OXCT1: variants seen among roughly 807,000 people sequenced by gnomAD.
OXCT1 encodes the protein succinyl-CoA:3-ketoacid coenzyme A transferase 1, mitochondrial.
A neutral mutation model predicts 69.6 loss-of-function variants in OXCT1; 27 were observed. The ratio of observed to expected loss-of-function variants is 0.39; its 90% CI spans 0.29 to 0.54. The LOEUF (loss-of-function observed/expected upper bound fraction) is 0.54. Ranked by LOEUF, OXCT1 falls within the 20% of genes least tolerant of loss-of-function variation. OXCT1 has a pLI of 0.72. For missense variants in OXCT1, 437 were observed against 650.2 expected (o/e 0.67, Z 3.57); for synonymous variants, 202 against 217.8 (o/e 0.93, Z 0.64).
chr5:41,847,222 T>C (rs1248731687), intron 5 of OXCT1, among the ~76,000 whole-genome samples: 1 of 151,862 alleles, frequency 6.6e-6, no homozygotes, highest in Non-Finnish European at 1.5e-5. Context: ...CTCCCAAGAC[T>C]AAACCAGGAA....
chr5:41,813,777 A>C (rs1398640624), intron 7 of OXCT1, among the ~76,000 whole-genome samples: 1 of 148,346 alleles, frequency 6.7e-6, no homozygotes, highest in Admixed American at 6.6e-5. Flanking sequence ...CAAACCAATT[A>C]CCTTTATGCC....
In OXCT1 at chr5:41,861,303, T is replaced by C. The variant is rs1415782496; in HGVS notation, c.278+11A>G. On this transcript the variant is annotated intron_variant, in intron 3 of 16. Transcript: ENST00000196371. Reference sequence around the variant, plus strand: ...TCTCTCCAGCCAATTGTTTTTAAAATGCACACTTACCCTGCATTGTTGCTG... The same window carrying C: ...TCTCTCCAGCCAATTGTTTTTAAAACGCACACTTACCCTGCATTGTTGCTG... 3 of 1,539,844 alleles carry C rather than the reference T, an allele frequency of 1.9e-6. No individual in the cohort carries two copies. Among genetic ancestry groups the C allele is most frequent in the African/African-American group, 1.4e-5 (1 of 73,626 alleles).
chr5:41,805,538 T>C lies in OXCT1; in HGVS notation c.955+29A>G, dbSNP rs147701541. 3.9e-5 allele frequency: 57 copies of C among 1,471,006 alleles called. 1 individual carries two copies. The East Asian group carries it at 1.3e-3, about 33-fold the overall frequency. The allele number at this position is 1,471,006 out of a possible 1,614,324, so 91.1% of individuals were successfully genotyped here. A position where few individuals can be genotyped will look rare whatever the true frequency, so the allele number is the denominator to read the frequency against. On this transcript the variant is annotated intron_variant, in intron 9 of 16. Coordinates refer to ENST00000196371, the MANE Select transcript of OXCT1 (RefSeq NM_000436.4). ...TATGGGAAAAGCAAAGGCTATGTCTTTGCCCGGGCTCAGAAGGATAAAGGA... is the reference window on the plus strand; with the variant it reads ...TATGGGAAAAGCAAAGGCTATGTCTCTGCCCGGGCTCAGAAGGATAAAGGA...
intron 13 of OXCT1, among the ~76,000 whole-genome samples, chr5:41,786,428 T>G (rs566901345): frequency 1.5e-4 from 23 of 151,696 alleles, no homozygotes; most frequent in Admixed American, 1.3e-3. Flanking sequence ...AGGAGGGGAG[T>G]AGAGAAAAAG....
Position 41,842,711 on chromosome 5 carries a change from G to C in OXCT1, c.635C>G (p.Ala212Gly). The C allele has an allele frequency of 3.1e-6, 5 of 1,613,756 alleles. No homozygotes were observed. The highest frequency in any genetic ancestry group is 4.2e-6 in the Non-Finnish European group (5 of 1,179,700). ...AITGDFALVK[A>G]WKADRAGNVI... ...GTTTCCTGCTCGGTCCGCCTTCCAG[G>C]CTTTCACCAAAGCAAAATCCCCTGT... Residue 212 changes from alanine to glycine, a missense_variant, in exon 6 of 17, where the codon GCC becomes GGC. By Grantham distance (60) the Ala-to-Gly change is moderately conservative. Around this residue, in one of 4 missense-constraint regions of OXCT1, gnomAD observed 252 missense variants for 397.4 expected, o/e 0.63. Coordinates refer to ENST00000196371, the MANE Select transcript of OXCT1 (RefSeq NM_000436.4).
At chr5:41,753,743 T>C (rs1743927400) in intron 14 of OXCT1, among the ~76,000 whole-genome samples, 1 of 152,096 alleles carries the variant, frequency 6.6e-6, no homozygotes, top group Admixed American at 6.6e-5. Flanking sequence ...TTTCTTCATA[T>C]GTACAGCCAT....
chr5:41,733,278 C>G (rs564025076), intron 16 of OXCT1, among the ~76,000 whole-genome samples: 10 of 127,992 alleles, frequency 7.8e-5, no homozygotes, highest in Non-Finnish European at 1.4e-4. Context: ...CGGAGTTTTG[C>G]TCTTGTTGCC....
chr5:41,792,422 T>C (rs1044590446), intron 13 of OXCT1, among the ~76,000 whole-genome samples: 2 of 152,194 alleles, frequency 1.3e-5, no homozygotes, highest in African/African-American at 4.8e-5. Flanking sequence ...GAGGGCATTT[T>C]AACCCAAAGA....
intron 13 of OXCT1, among the ~76,000 whole-genome samples, chr5:41,773,123 A>G (rs980451753): frequency 1.3e-5 from 2 of 152,240 alleles, no homozygotes; most frequent in African/African-American, 4.8e-5. Context: ...TTTGAAAGAT[A>G]TAACAGGAGA....
chr5:41,735,107 A>C (rs1297141267), intron 16 of OXCT1, among the ~76,000 whole-genome samples: 1 of 152,300 alleles, frequency 6.6e-6, no homozygotes, highest in East Asian at 1.9e-4. Context: ...ATATCTAAAA[A>C]ATTTCAAAGC....
intron 13 of OXCT1, among the ~76,000 whole-genome samples, chr5:41,785,675 TGTAGGATAGATGCTC>T (rs1365034176): frequency 3.9e-5 from 6 of 152,168 alleles, no homozygotes; most frequent in Non-Finnish European, 7.4e-5. Flanking sequence ...GATACCAGCA[TGTAGGATAGATGCTC>T]AGAAGTAGAA....
At chr5:41,742,104 A>C (rs1303863564) in intron 15 of OXCT1, among the ~76,000 whole-genome samples, 1 of 152,204 alleles carries the variant, frequency 6.6e-6, no homozygotes, top group Non-Finnish European at 1.5e-5. Context: ...GGTATCAAAA[A>C]TTTAAGGCTT....
intron 15 of OXCT1, among the ~76,000 whole-genome samples, chr5:41,745,516 T>C (rs1202747389): frequency 3.3e-5 from 5 of 151,982 alleles, no homozygotes; most frequent in Admixed American, 2.6e-4. Context: ...GCAAACACAT[T>C]CAAAAGCTAG....
rs144119991 is a variant in OXCT1, at chr5:41,825,882, T to C, written c.732+14569A>G. On this transcript the variant is annotated intron_variant, in intron 7 of 16. Transcript: ENST00000196371. Reference sequence around the variant, plus strand: ...TTCTTAAAGAATAAAAAAGTCACAGTGGTTATTCAGCACAAGCAAGTTTTA... The same window carrying C: ...TTCTTAAAGAATAAAAAAGTCACAGCGGTTATTCAGCACAAGCAAGTTTTA... 4.7e-3 allele frequency among the ~76,000 whole-genome samples: 713 copies of C among 152,318 alleles called. 4 individuals are homozygous for C. Among genetic ancestry groups the C allele is most frequent in the Middle Eastern group, 0.014 (4 of 294 alleles).
At chr5:41,843,744 T>C (rs1294254927) in intron 5 of OXCT1, 4 of 289,616 alleles carry the variant, frequency 1.4e-5, no homozygotes, top group African/African-American at 2.2e-5. Flanking sequence ...AAAAAGCTGC[T>C]ATAGAAAATA....
At chr5:41,740,553 T>C (rs573813016) in intron 15 of OXCT1, among the ~76,000 whole-genome samples, 6 of 152,186 alleles carry the variant, frequency 3.9e-5, no homozygotes, top group Non-Finnish European at 8.8e-5. Context: ...ACCCCACCTG[T>C]TGTATCTGAT....
intron 11 of OXCT1, among the ~76,000 whole-genome samples, chr5:41,799,106 C>T (rs983256442): frequency 5.3e-5 from 8 of 152,056 alleles, no homozygotes; most frequent in Non-Finnish European, 5.9e-5. Context: ...TAAAAGAGAT[C>T]CTTGGAAATA....
chr5:41,817,617 T>G (rs1747314102), intron 7 of OXCT1, among the ~76,000 whole-genome samples: 4 of 152,234 alleles, frequency 2.6e-5, no homozygotes, highest in Admixed American at 1.3e-4. Context: ...TCTGTACTTG[T>G]GTACTTGCTA....
intron 7 of OXCT1, among the ~76,000 whole-genome samples, chr5:41,834,098 C>T (rs1055956333): frequency 6.0e-5 from 9 of 151,248 alleles, no homozygotes; most frequent in African/African-American, 1.5e-4. Context: ...TTTAAAATAA[C>T]GAGTTATAAG....
Sources: gnomAD v4.1 joint callset for allele counts (sites outside exome capture counted in the v4.1 genomes callset) on GRCh38, gnomAD v4.1.1 for gene constraint, gnomAD v4.1.1 regional missense constraint, MANE v1.5 for transcripts, NCBI Gene and HGNC (gene_info 2026-07-23, HGNC 2026-07-21) for gene names.